The following GALNTL6 variants were observed in gnomAD, a reference collection of about 807,000 sequenced individuals.
GALNTL6 encodes the protein polypeptide N-acetylgalactosaminyltransferase-like 6.
In GALNTL6, 46 loss-of-function variants were observed where a neutral mutation model predicts 73.7. The observed-to-expected ratio is 0.62, with a 90% CI of 0.49 to 0.80. The LOEUF (loss-of-function observed/expected upper bound fraction) is 0.80, where lower values mean the gene tolerates loss of function less well. Among genes scored for constraint, GALNTL6 ranks in the 30% least tolerant of loss-of-function variants. GALNTL6 has a pLI of 0.00. For synonymous variants in GALNTL6, 259 were observed against 263.7 expected, an observed-to-expected ratio of 0.98 and a Z score of 0.17; for missense variants, 604 against 755.0, an observed-to-expected ratio of 0.80 and a Z score of 2.34.
At chr4:172,231,279 C>T (rs1431631131) in intron 3 of GALNTL6, among the ~76,000 whole-genome samples, 1 of 152,110 alleles carries the variant, frequency 6.6e-6, no homozygotes, top group East Asian at 1.9e-4. Flanking sequence ...CATAATCTTA[C>T]CAACTGAATC....
At chr4:172,173,396 T>A (rs1437622689) in intron 2 of GALNTL6, among the ~76,000 whole-genome samples, 1 of 152,198 alleles carries the variant, frequency 6.6e-6, no homozygotes, top group East Asian at 1.9e-4. Context: ...TGCATGAGGC[T>A]GTGGATTCCT....
At chr4:172,266,639 A>T (rs980220319) in intron 3 of GALNTL6, among the ~76,000 whole-genome samples, 6 of 152,126 alleles carry the variant, frequency 3.9e-5, no homozygotes, top group African/African-American at 1.4e-4. Context: ...CTGCTTTCTA[A>T]TACCAGTAAA....
At chr4:172,568,552 T>C (rs911176011) in intron 5 of GALNTL6, among the ~76,000 whole-genome samples, 7 of 151,510 alleles carry the variant, frequency 4.6e-5, no homozygotes, top group Non-Finnish European at 1.0e-4. Flanking sequence ...GTCAGGAGAT[T>C]GAGACCATCC....
intron 2 of GALNTL6, among the ~76,000 whole-genome samples, chr4:171,988,445 G>C (rs1027948935): frequency 2.4e-4 from 37 of 152,190 alleles, no homozygotes. Flanking sequence ...GGGTGTCAGG[G>C]TCAGTCTAAG....
chr4:172,921,076 A>G (rs1382631030), intron 8 of GALNTL6, among the ~76,000 whole-genome samples: 1 of 152,170 alleles, frequency 6.6e-6, no homozygotes, highest in Non-Finnish European at 1.5e-5. Flanking sequence ...AGGCAGAAGA[A>G]ACCGCCAAGA....
chr4:172,218,085 A>C (rs1184140411), intron 2 of GALNTL6, among the ~76,000 whole-genome samples: 2 of 152,054 alleles, frequency 1.3e-5, no homozygotes, highest in African/African-American at 4.8e-5. Flanking sequence ...AGCATTATAT[A>C]ATTTTAAGAT....
At chr4:171,984,566 G>A (rs920935264) in intron 2 of GALNTL6, among the ~76,000 whole-genome samples, 3 of 152,088 alleles carry the variant, frequency 2.0e-5, no homozygotes, top group African/African-American at 7.2e-5. Context: ...GCAACCTCCT[G>A]GTGTGTGACA....
intron 5 of GALNTL6, among the ~76,000 whole-genome samples, chr4:172,622,118 A>T (rs1738985757): frequency 6.6e-6 from 1 of 152,220 alleles, no homozygotes; most frequent in African/African-American, 2.4e-5. Context: ...TCTCATATGA[A>T]ATTGGAGCAA....
intron 5 of GALNTL6, among the ~76,000 whole-genome samples, chr4:172,470,610 G>A (rs1418894489): frequency 1.3e-5 from 2 of 152,072 alleles, no homozygotes; most frequent in African/African-American, 4.8e-5. Context: ...CAGCGCAAAG[G>A]TATTGCAAGC....
intron 7 of GALNTL6, among the ~76,000 whole-genome samples, chr4:172,867,080 G>T (rs772616696): frequency 6.6e-6 from 1 of 152,158 alleles, no homozygotes; most frequent in Non-Finnish European, 1.5e-5. Flanking sequence ...CTATCTGGAA[G>T]AAATGGAATT....
At chr4:172,464,880 G>C (rs1732752137) in intron 5 of GALNTL6, among the ~76,000 whole-genome samples, 1 of 151,836 alleles carries the variant, frequency 6.6e-6, no homozygotes, top group African/African-American at 2.4e-5. Flanking sequence ...AATAATTTCA[G>C]ATTATTTTTC....
intron 5 of GALNTL6, among the ~76,000 whole-genome samples, chr4:172,385,265 G>T (rs1031055685): frequency 2.6e-5 from 4 of 151,850 alleles, no homozygotes; most frequent in African/African-American, 4.8e-5. Context: ...TGCTATGATT[G>T]CGTATTCTAT....
intron 5 of GALNTL6, among the ~76,000 whole-genome samples, chr4:172,617,539 C>G (rs537023118): frequency 1.3e-5 from 2 of 151,882 alleles, no homozygotes; most frequent in African/African-American, 4.8e-5. Context: ...AGTAGTGGCA[C>G]GATCTCAGCT....
intron 5 of GALNTL6, among the ~76,000 whole-genome samples, chr4:172,686,636 T>A (rs892345025): frequency 1.3e-5 from 2 of 152,234 alleles, no homozygotes; most frequent in African/African-American, 4.8e-5. Flanking sequence ...TTTAACTTAT[T>A]AAAACCTTGT....
At chr4:172,263,002 G>C (rs577122546) in intron 3 of GALNTL6, among the ~76,000 whole-genome samples, 90 of 151,476 alleles carry the variant, frequency 5.9e-4, no homozygotes, top group African/African-American at 2.1e-3. Context: ...TTAATCTAAA[G>C]GTTTTCTTGT....
At chr4:172,858,691 T>G (rs1008345237) in intron 7 of GALNTL6, among the ~76,000 whole-genome samples, 1 of 152,062 alleles carries the variant, frequency 6.6e-6, no homozygotes, top group Non-Finnish European at 1.5e-5. Context: ...AAGCACTAAG[T>G]AGACTAAAAT....
At chr4:172,758,959 G>T (rs1737912092) in intron 5 of GALNTL6, among the ~76,000 whole-genome samples, 1 of 152,168 alleles carries the variant, frequency 6.6e-6, no homozygotes, top group African/African-American at 2.4e-5. Context: ...CATTTTATCA[G>T]TCCACTCCCT....
intron 5 of GALNTL6, among the ~76,000 whole-genome samples, chr4:172,579,894 A>T (rs1272403445): frequency 6.6e-6 from 1 of 152,110 alleles, no homozygotes; most frequent in Non-Finnish European, 1.5e-5. Context: ...ACATAAAAGC[A>T]TATTTTAAAA....
intron 10 of GALNTL6, among the ~76,000 whole-genome samples, chr4:172,987,848 C>T (rs1751359368): frequency 6.6e-6 from 1 of 152,162 alleles, no homozygotes; most frequent in African/African-American, 2.4e-5. Flanking sequence ...TTTCCTGAGG[C>T]CTCTCCAGCC....
Sources: allele counts gnomAD v4.1 joint callset (sites outside exome capture counted in the v4.1 genomes callset), GRCh38; gene constraint gnomAD v4.1.1; transcripts MANE v1.5; gene names NCBI Gene and HGNC (gene_info 2026-07-23, HGNC 2026-07-21).